The following GYS2 variants were observed in gnomAD, a reference collection of about 807,000 sequenced individuals.
GYS2 encodes glycogen [starch] synthase, liver.
Under a neutral mutation model 85.6 loss-of-function variants are expected in GYS2, and 80 were observed. The ratio of observed to expected loss-of-function variants is 0.93; its 90% CI spans 0.78 to 1.13. GYS2 has a LOEUF of 1.13. Ranked by LOEUF, GYS2 falls within the 50% of genes most tolerant of loss-of-function variation. The pLI is 0.00. For missense variants in GYS2, 881 were observed against 854.9 expected, an observed-to-expected ratio of 1.03 and a Z score of -0.38; for synonymous variants, 328 against 300.7, an observed-to-expected ratio of 1.09 and a Z score of -0.94.
chr12:21,557,772 G>A (rs940297771), intron 11 of GYS2, among the ~76,000 whole-genome samples: 2 of 152,064 alleles, frequency 1.3e-5, no homozygotes, highest in Admixed American at 6.5e-5. Flanking sequence ...GGTTGCGGGC[G>A]CCTGTAGTCC....
intron 1 of GYS2, among the ~76,000 whole-genome samples, chr12:21,582,947 A>G (rs1296923430): frequency 1.3e-5 from 2 of 152,204 alleles, no homozygotes; most frequent in Non-Finnish European, 2.9e-5. Flanking sequence ...TTTTGACTAT[A>G]TGTGGAGAAT....
At chr12:21,541,056 T>C (rs1943967260) in intron 13 of GYS2, among the ~76,000 whole-genome samples, 1 of 151,986 alleles carries the variant, frequency 6.6e-6, no homozygotes, top group Non-Finnish European at 1.5e-5. Flanking sequence ...GTGGATTCCT[T>C]GAGCCCAGGA....
intron 7 of GYS2, among the ~76,000 whole-genome samples, chr12:21,561,884 T>A (rs577676589): frequency 6.6e-6 from 1 of 152,228 alleles, no homozygotes; most frequent in South Asian, 2.1e-4. Flanking sequence ...AAGCAAAAAA[T>A]TTATGTCCAA....
intron 5 of GYS2, among the ~76,000 whole-genome samples, chr12:21,567,402 A>G (rs1204229534): frequency 6.6e-6 from 1 of 152,190 alleles, no homozygotes; most frequent in African/African-American, 2.4e-5. Context: ...TATTGATGGA[A>G]TAAACTCCCA....
In GYS2 at chr12:21,569,592, A is replaced by T. The variant is rs188765126; in HGVS notation, c.679-583T>A. On this transcript the variant is annotated intron_variant, in intron 4 of 15. Transcript: ENST00000261195. Reference sequence around the variant, plus strand: ...ATTATCTATGCTTCTGGGTAGCTTAACTTAAAAAAAGTCAAATTCCCAACA... The same window carrying T: ...ATTATCTATGCTTCTGGGTAGCTTATCTTAAAAAAAGTCAAATTCCCAACA... Among the ~76,000 whole-genome samples, 37 of 152,330 alleles carry T rather than the reference A, an allele frequency of 2.4e-4. No individual in the cohort carries two copies. In the East Asian group the frequency reaches 7.1e-3, roughly 29 times the overall value.
rs767559301 is a variant in GYS2, at chr12:21,563,222, T to A, written c.941+6A>T. On this transcript the variant is annotated splice_donor_region_variant and intron_variant, in intron 6 of 15. Coordinates refer to ENST00000261195, the MANE Select transcript of GYS2 (RefSeq NM_021957.4). ...TTCTTTTTCTTTTTAATAAAGAAAATCATACCCATAGAAATGACCTCGAAC... is the reference window on the plus strand; with the variant it reads ...TTCTTTTTCTTTTTAATAAAGAAAAACATACCCATAGAAATGACCTCGAAC... The A allele has an allele frequency of 5.3e-6, 8 of 1,515,466 alleles. No homozygotes were observed. The South Asian group carries it at 9.0e-5, about 17-fold the overall frequency. The allele number at this position is 1,515,466 out of a possible 1,614,324, so 93.9% of individuals were successfully genotyped here. A position where few individuals can be genotyped will look rare whatever the true frequency, so the allele number is the denominator to read the frequency against.
At position 21,568,077 on chromosome 12, in the gene GYS2, A is replaced by G. The variant is rs11831730; in HGVS notation, c.823+788T>C. On this transcript the variant is annotated intron_variant, in intron 5 of 15. Transcript: ENST00000261195. ...ATGGAGCAAGACTCCATCTCAAAAA[A>G]AAAAAAGAAAAAGGGGTCGAAATCA... 5.8e-3 allele frequency among the ~76,000 whole-genome samples: 887 copies of G among 152,226 alleles called. 14 individuals carry two copies. The highest frequency in any genetic ancestry group is 0.021 in the African/African-American group (856 of 41,534).
chr12:21,580,422 T>C lies in GYS2; in HGVS notation c.223A>G (p.Lys75Glu). ...LIGPYFEHNM[K>E]TQVEQCEPVN... The stretch of plus-strand genomic sequence containing the variant: ...GGTTCACACTGTTCCACCTGAGTCT[T>C]CATATTATGCTCAAAATATGGACCT... The change falls in exon 2 of 16, where the codon AAG (lysine) becomes GAG (glutamate). Residue 75 changes from lysine (K) to glutamate (E), a missense_variant. By Grantham distance (56) the Lys-to-Glu change is moderately conservative (BLOSUM62 1). Transcript: ENST00000261195. 1 of 1,612,932 alleles carries C rather than the reference T, an allele frequency of 6.2e-7. No homozygotes were observed. The highest frequency in any genetic ancestry group is 1.1e-5 in the South Asian group (1 of 91,062).
At chr12:21,580,586 G>A in intron 1 of GYS2, 63 bp from the exon 2 acceptor site, 1 of 1,190,466 alleles carries the variant, frequency 8.4e-7, no homozygotes, top group South Asian at 1.2e-5. Context: ...AGTAATAAGG[G>A]ATGGAAATGA....
intron 1 of GYS2, among the ~76,000 whole-genome samples, chr12:21,582,112 C>G (rs1323428477): frequency 6.6e-6 from 1 of 152,088 alleles, no homozygotes; most frequent in Non-Finnish European, 1.5e-5. Flanking sequence ...CAACAAAAGG[C>G]TAATATACAG....
At chr12:21,551,960 A>G (rs1223907018) in intron 11 of GYS2, among the ~76,000 whole-genome samples, 1 of 152,182 alleles carries the variant, frequency 6.6e-6, no homozygotes, top group Non-Finnish European at 1.5e-5. Flanking sequence ...ACCATGGTTC[A>G]TTTGTTTTGC....
chr12:21,541,852 T>C (rs548444118), intron 13 of GYS2, among the ~76,000 whole-genome samples: 1 of 152,130 alleles, frequency 6.6e-6, no homozygotes, highest in South Asian at 2.1e-4. Flanking sequence ...CCCACGCCCC[T>C]TCCCCCACTC....
intron 1 of GYS2, among the ~76,000 whole-genome samples, chr12:21,597,364 C>G (rs934168047): frequency 6.6e-6 from 1 of 151,926 alleles, no homozygotes; most frequent in African/African-American, 2.4e-5. Context: ...AGTGGAAAAA[C>G]AAATAATCTC....
intron 1 of GYS2, among the ~76,000 whole-genome samples, chr12:21,594,107 AT>A (rs1944669614): frequency 6.6e-6 from 1 of 152,194 alleles, no homozygotes; most frequent in Non-Finnish European, 1.5e-5. Context: ...TCTCAATATA[AT>A]AAAAGTCATA....
At position 21,553,152 on chromosome 12, in the gene GYS2, T is replaced by A. The variant is rs904233792; in HGVS notation, c.1422+5048A>T. Reference sequence around the variant, plus strand: ...GCATCCTCAAACTCCTGGCCTCAAGTGATCCCCCCGCCTCAGTCTTCTGAG... The same window carrying A: ...GCATCCTCAAACTCCTGGCCTCAAGAGATCCCCCCGCCTCAGTCTTCTGAG... On this transcript the variant is annotated intron_variant, in intron 11 of 15. Coordinates refer to ENST00000261195, the MANE Select transcript of GYS2 (RefSeq NM_021957.4). Among the ~76,000 whole-genome samples, 22 of 152,304 alleles carry A rather than the reference T, an allele frequency of 1.4e-4. No homozygotes were observed. The East Asian group carries it at 4.1e-3, about 28-fold the overall frequency.
intron 15 of GYS2, among the ~76,000 whole-genome samples, chr12:21,538,285 A>G (rs1224914175): frequency 6.6e-6 from 1 of 152,168 alleles, no homozygotes; most frequent in Non-Finnish European, 1.5e-5. Context: ...AACTTTCTAG[A>G]TCTGTTCCTC....
intron 7 of GYS2, among the ~76,000 whole-genome samples, chr12:21,562,248 G>T (rs182966022): frequency 1.1e-4 from 16 of 152,108 alleles, no homozygotes; most frequent in Non-Finnish European, 2.2e-4. Flanking sequence ...ACTAGTTCAA[G>T]AGTTTAAAAC....
intron 2 of GYS2, 64 bp from the exon 3 acceptor site, chr12:21,576,121 G>A: frequency 2.3e-6 from 3 of 1,279,774 alleles, no homozygotes; most frequent in Non-Finnish European, 3.4e-6. Context: ...CAATGTATTT[G>A]CACTCTGAGG....
chr12:21,537,270 T>C, intron 15 of GYS2, 95 bp from the exon 16 acceptor site: 1 of 852,366 alleles, frequency 1.2e-6, no homozygotes, highest in Non-Finnish European at 2.0e-6. Context: ...TTTTAAGTAG[T>C]TATCTATCTT....
Sources: gnomAD v4.1 joint callset for allele counts (sites outside exome capture counted in the v4.1 genomes callset) on GRCh38, gnomAD v4.1.1 for gene constraint, MANE v1.5 for transcripts, NCBI Gene and HGNC (gene_info 2026-07-23, HGNC 2026-07-21) for gene names.